LRP2: variants seen among roughly 807,000 people sequenced by gnomAD.
LRP2 encodes low-density lipoprotein receptor-related protein 2.
In LRP2, 172 loss-of-function variants were observed where a neutral mutation model predicts 531.0. The observed-to-expected ratio is 0.32, with a 90% confidence interval of 0.29 to 0.37. The LOEUF (loss-of-function observed/expected upper bound fraction) is 0.37. Among genes scored for constraint, LRP2 ranks in the 10% least tolerant of loss-of-function variants. The pLI, the probability that LRP2 is intolerant of heterozygous loss-of-function variation, is 1.00. For synonymous variants in LRP2, 1,992 were observed against 2,027.6 expected, an observed-to-expected ratio of 0.98 and a Z score of 0.47; for missense variants, 5,167 against 5,868.3, an observed-to-expected ratio of 0.88 and a Z score of 3.90.
intron 45 of LRP2, among the ~76,000 whole-genome samples, 158 bp from the exon 46 acceptor site, chr2:169,197,188 A>C (rs1161046660): frequency 6.6e-6 from 1 of 152,182 alleles, no homozygotes; most frequent in African/African-American, 2.4e-5. Flanking sequence ...TGTGGGGAGG[A>C]AGAAGTATGG....
In LRP2 at chr2:169,188,090, T is replaced by C; in HGVS notation, c.9208A>G (p.Thr3070Ala). ...GSDELMHLCHTPEPTCPPHEF... is the reference protein window; with the variant it reads ...GSDELMHLCHAPEPTCPPHEF... ...TGAGGTGGACACGTGGGTTCTGGGG[T>C]GTGGCACAGGTGCATCAGCTCATCA... The change falls in exon 49 of 79, where the codon ACC (threonine) becomes GCC (alanine). Residue 3070 changes from threonine (T) to alanine (A), a missense_variant. This residue lies in a region of LRP2 where 1,129 missense variants were observed against 1,362.7 expected (regional missense o/e 0.83). Coordinates refer to ENST00000649046, the MANE Select transcript of LRP2 (RefSeq NM_004525.3). The C allele has an allele frequency of 6.2e-7, 1 of 1,614,098 alleles. No homozygotes were observed.
chr2:169,158,648 T>A (rs917610413), intron 63 of LRP2, among the ~76,000 whole-genome samples: 1 of 148,810 alleles, frequency 6.7e-6, no homozygotes, highest in Non-Finnish European at 1.5e-5. Context: ...GAAATACCTA[T>A]AATAAATTGA....
At chr2:169,264,081 C>G (rs1690689659) in intron 16 of LRP2, among the ~76,000 whole-genome samples, 1 of 152,030 alleles carries the variant, frequency 6.6e-6, no homozygotes, top group African/African-American at 2.4e-5. Context: ...GAACATCACA[C>G]TCTGGGGACT....
intron 9 of LRP2, among the ~76,000 whole-genome samples, chr2:169,286,689 C>T (rs543797329): frequency 5.1e-4 from 77 of 152,168 alleles, no homozygotes; most frequent in African/African-American, 1.8e-3. Context: ...TAGGGTGGAA[C>T]AAAAAACTGA....
intron 2 of LRP2, 31 bp downstream of exon 2, chr2:169,320,746 A>T: frequency 6.4e-7 from 1 of 1,562,788 alleles, no homozygotes; most frequent in Non-Finnish European, 8.8e-7. Context: ...GTTACTCAAA[A>T]TAGAACTTAG....
At chr2:169,321,307 CAAT>C (rs906014633) in intron 1 of LRP2, among the ~76,000 whole-genome samples, 38 of 152,048 alleles carry the variant, frequency 2.5e-4, no homozygotes, top group Non-Finnish European at 5.0e-4. Context: ...AAATGTCCAA[CAAT>C]AAAAGGATTA....
At chr2:169,332,992 C>T (rs528669896) in intron 1 of LRP2, among the ~76,000 whole-genome samples, 1 of 152,158 alleles carries the variant, frequency 6.6e-6, no homozygotes, top group Non-Finnish European at 1.5e-5. Context: ...CTTCTGCCAA[C>T]AGAGTAAGAA....
At position 169,262,626 on chromosome 2, in the gene LRP2, C is replaced by T. The variant is rs1255949862; in HGVS notation, c.2321-3409G>A. 8.7e-5 allele frequency among the ~76,000 whole-genome samples: 13 copies of T among 150,156 alleles called. No individual in the cohort carries two copies. The East Asian group carries it at 2.3e-3, about 27-fold the overall frequency. On this transcript the variant is annotated intron_variant, in intron 16 of 78. Transcript: ENST00000649046. ...CAAACAAATGGAAGAACATTCCATG[C>T]TCATGGGTAGGAAGAATCAATATCG...
chr2:169,350,780 G>A (rs1399723299), intron 1 of LRP2, among the ~76,000 whole-genome samples: 3 of 149,492 alleles, frequency 2.0e-5, no homozygotes, highest in African/African-American at 7.4e-5. Flanking sequence ...TATCCCCAGA[G>A]GACAAGTGGC....
At position 169,238,162 on chromosome 2, in the gene LRP2, G is replaced by T. The variant is rs760099721; in HGVS notation, c.4435C>A (p.Arg1479Ser). The change falls in exon 27 of 79, where the codon CGT (arginine) becomes AGT (serine). Residue 1479 changes from arginine (R) to serine (S), a missense_variant. Around this residue, in one of 6 missense-constraint regions of LRP2, gnomAD observed 2,811 missense variants for 3,058.0 expected, o/e 0.92. Coordinates refer to ENST00000649046, the MANE Select transcript of LRP2 (RefSeq NM_004525.3). ...TGAGTTGCATCAGACCAAAAGATAC[G>T]ACCACTAATTGAATCAAAATCAACA... ...VAVDFDSISG[R>S]IFWSDATQGK... 6.2e-7 allele frequency: 1 copy of T among 1,614,064 alleles called. No homozygotes were observed. Among genetic ancestry groups the T allele is most frequent in the East Asian group, 2.2e-5 (1 of 44,882 alleles).
intron 46 of LRP2, among the ~76,000 whole-genome samples, chr2:169,195,184 T>C (rs1356205555): frequency 6.6e-6 from 1 of 152,104 alleles, no homozygotes; most frequent in African/African-American, 2.4e-5. Context: ...AGGATAAAAA[T>C]ACATGGACCA....
intron 10 of LRP2, among the ~76,000 whole-genome samples, chr2:169,281,243 G>T (rs1475339797): frequency 3.3e-5 from 5 of 152,154 alleles, no homozygotes; most frequent in Non-Finnish European, 7.4e-5. Flanking sequence ...CCAACATGGG[G>T]AAACCCTGTT....
At chr2:169,165,793 G>T in intron 62 of LRP2, 139 bp downstream of exon 62, 5 of 1,052,144 alleles carry the variant, frequency 4.8e-6, no homozygotes, top group Non-Finnish European at 7.3e-6. Flanking sequence ...GCATGGTCTT[G>T]TAAACAATTA....
chr2:169,243,653 G>GCCACA, intron 22 of LRP2, 131 bp from the exon 23 acceptor site: 1 of 1,040,450 alleles, frequency 9.6e-7, no homozygotes, highest in Non-Finnish European at 1.5e-6. Context: ...TTTTGAATCA[G>GCCACA]CCACACTATC....
In LRP2 at chr2:169,182,537, G is replaced by A. The variant is rs138852517; in HGVS notation, c.9846-218C>T. 0.027 allele frequency: 38,320 copies of A among 1,418,020 alleles called. 675 individuals carry two copies. The highest frequency in any genetic ancestry group is 0.03 in the Non-Finnish European group (32,095 of 1,084,886). The allele number at this position is 1,418,020 out of a possible 1,614,324, so 87.8% of individuals were successfully genotyped here. A position where few individuals can be genotyped will look rare whatever the true frequency, so the allele number is the denominator to read the frequency against. On this transcript the variant is annotated intron_variant, in intron 50 of 78. Transcript: ENST00000649046. ...TGTGTGCAATAATTCCCACTTTAAG[G>A]TGGTGTCATGTAGAAAATACGGGGG...
chr2:169,288,564 G>A (rs1390539971), intron 9 of LRP2, among the ~76,000 whole-genome samples: 3 of 119,738 alleles, frequency 2.5e-5, no homozygotes, highest in Admixed American at 1.8e-4. Flanking sequence ...GCTGTGTCAG[G>A]TAACAACTCT....
intron 34 of LRP2, among the ~76,000 whole-genome samples, chr2:169,219,796 T>A (rs1688923431): frequency 6.7e-6 from 1 of 149,730 alleles, no homozygotes; most frequent in South Asian, 2.2e-4. Flanking sequence ...GTGCCCCCTA[T>A]AACTAAAATA....
At position 169,241,032 on chromosome 2, in the gene LRP2, C is replaced by G; in HGVS notation, c.4001G>C (p.Gly1334Ala). ...TGTCCCATTGGGGCAGTCAAAGATG[C>G]CATCACACACTACACTCAGATTCAC... ...ICVNLSVVCDGIFDCPNGTDE... is the reference protein window; with the variant it reads ...ICVNLSVVCDAIFDCPNGTDE... Residue 1334 changes from glycine to alanine, a missense_variant, in exon 25 of 79, where the codon GGC becomes GCC. Physicochemically the swap from Gly to Ala is moderately conservative, Grantham distance 60 (BLOSUM62 0). This residue lies in a region of LRP2 where 2,811 missense variants were observed against 3,058.0 expected (regional missense o/e 0.92). Coordinates refer to ENST00000649046, the MANE Select transcript of LRP2 (RefSeq NM_004525.3). 6.2e-7 allele frequency: 1 copy of G among 1,614,044 alleles called. No individual in the cohort carries two copies. The highest frequency in any genetic ancestry group is 8.5e-7 in the Non-Finnish European group (1 of 1,180,028).
chr2:169,323,333 A>G (rs1046848860), intron 1 of LRP2, among the ~76,000 whole-genome samples: 2 of 152,216 alleles, frequency 1.3e-5, no homozygotes, highest in African/African-American at 4.8e-5. Context: ...AGAAAAAACA[A>G]ACTGATACTT....
Sources: allele counts gnomAD v4.1 joint callset (sites outside exome capture counted in the v4.1 genomes callset), GRCh38; gene constraint gnomAD v4.1.1; regional missense constraint gnomAD v4.1.1; transcripts MANE v1.5; gene names NCBI Gene and HGNC (gene_info 2026-07-23, HGNC 2026-07-21).